SRRM4: variants seen among roughly 807,000 people sequenced by gnomAD.
The protein encoded by SRRM4 is serine/arginine repetitive matrix protein 4.
In SRRM4, 33 loss-of-function variants were observed where a neutral mutation model predicts 68.9. The observed-to-expected ratio is 0.48, with a 90% CI of 0.36 to 0.64. SRRM4 has a LOEUF of 0.64. Among genes scored for constraint, SRRM4 ranks in the 30% least tolerant of loss-of-function variants. The pLI is 0.00. For missense variants in SRRM4, 817 were observed against 827.1 expected (o/e 0.99, Z 0.15); for synonymous variants, 318 against 318.8 (o/e 1.00, Z 0.03).
chr12:119,013,116 C>G (rs547970211), intron 1 of SRRM4, among the ~76,000 whole-genome samples: 14 of 152,278 alleles, frequency 9.2e-5, no homozygotes, highest in Admixed American at 5.2e-4. Context: ...GTGACATGAT[C>G]TTCAAGAATA....
At chr12:118,993,679 G>A (rs1953331506) in intron 1 of SRRM4, among the ~76,000 whole-genome samples, 1 of 152,166 alleles carries the variant, frequency 6.6e-6, no homozygotes, top group Non-Finnish European at 1.5e-5. Context: ...AGTAGGGGTG[G>A]CCTCAAGATT....
intron 1 of SRRM4, among the ~76,000 whole-genome samples, chr12:119,081,817 C>G (rs1162310561): frequency 6.6e-6 from 1 of 152,202 alleles, no homozygotes; most frequent in Non-Finnish European, 1.5e-5. Flanking sequence ...TCTAGATTTG[C>G]TGATAGGTCA....
intron 1 of SRRM4, among the ~76,000 whole-genome samples, chr12:118,987,064 T>A (rs1953287184): frequency 6.6e-6 from 1 of 152,140 alleles, no homozygotes; most frequent in Admixed American, 6.6e-5. Flanking sequence ...GTGGAGGAAG[T>A]AGAATGATGA....
At chr12:119,124,521 C>T (rs561336921) in intron 6 of SRRM4, among the ~76,000 whole-genome samples, 4 of 152,318 alleles carry the variant, frequency 2.6e-5, no homozygotes, top group African/African-American at 9.6e-5. Flanking sequence ...CTGGCTTTCT[C>T]GTTTGGCCCA....
chr12:118,983,549 C>A (rs1158419136), intron 1 of SRRM4, among the ~76,000 whole-genome samples: 3 of 152,216 alleles, frequency 2.0e-5, no homozygotes, highest in Non-Finnish European at 4.4e-5. Context: ...AACGTACCTA[C>A]TGTTGGCTAA....
At chr12:119,113,812 C>T (rs1865727833) in intron 2 of SRRM4, among the ~76,000 whole-genome samples, 1 of 152,100 alleles carries the variant, frequency 6.6e-6, no homozygotes, top group African/African-American at 2.4e-5. Flanking sequence ...AGATACGTAT[C>T]TCGTTACATT....
At chr12:119,102,720 G>A (rs888092309) in intron 2 of SRRM4, among the ~76,000 whole-genome samples, 1 of 152,190 alleles carries the variant, frequency 6.6e-6, no homozygotes, top group Non-Finnish European at 1.5e-5. Context: ...TACCTTAAAT[G>A]ATAGCGTTCC....
At chr12:119,012,590 A>G (rs1444737345) in intron 1 of SRRM4, among the ~76,000 whole-genome samples, 2 of 150,248 alleles carry the variant, frequency 1.3e-5, no homozygotes, top group African/African-American at 4.9e-5. Context: ...CAACTAACAG[A>G]CTCCCCCAAG....
chr12:119,093,487 G>A (rs1278425296), intron 1 of SRRM4, among the ~76,000 whole-genome samples: 1 of 152,158 alleles, frequency 6.6e-6, no homozygotes, highest in Non-Finnish European at 1.5e-5. Context: ...AATAGTGGCT[G>A]TGATGGTCCC....
chr12:118,986,913 T>G (rs1953285996), intron 1 of SRRM4, among the ~76,000 whole-genome samples: 2 of 151,856 alleles, frequency 1.3e-5, no homozygotes, highest in Admixed American at 1.3e-4. Context: ...AAAAAATCTG[T>G]TTTTTTTATT....
At chr12:119,115,513 T>G (rs1299013902) in intron 3 of SRRM4, among the ~76,000 whole-genome samples, 1 of 152,134 alleles carries the variant, frequency 6.6e-6, no homozygotes. Context: ...ATCTGATGAC[T>G]TGGGCTTCAA....
rs1368934999 is a variant in SRRM4 at position 119,160,285 on chromosome 12, C to CTCTG, written c.*3491_*3494dup. On this transcript the variant is annotated 3_prime_UTR_variant, in exon 13 of 13. Transcript: ENST00000267260. ...TCTCTGTCTCTCTCTCTGTCTCTCT[C>CTCTG]TCTGTCTCTCTCTCTCTCTCTCTCT... 9 of 129,440 alleles carry CTCTG rather than the reference C, an allele frequency of 7.0e-5. No individual in the cohort carries two copies. In the East Asian group the frequency reaches 2.0e-3, roughly 29 times the overall value. 8.0% of individuals were successfully genotyped at this position (129,440 alleles called of 1,614,324 possible).
At chr12:119,107,394 G>A (rs1565909557) in intron 2 of SRRM4, among the ~76,000 whole-genome samples, 2 of 152,134 alleles carry the variant, frequency 1.3e-5, no homozygotes, top group African/African-American at 4.8e-5. Flanking sequence ...AGAAGAAGTG[G>A]TACCAACTCC....
intron 1 of SRRM4, among the ~76,000 whole-genome samples, chr12:119,030,842 T>C (rs747790860): frequency 5.9e-5 from 9 of 152,216 alleles, no homozygotes; most frequent in Non-Finnish European, 1.2e-4. Flanking sequence ...TGATTTCATA[T>C]GGTTCACCTG....
At chr12:118,991,100 T>A (rs1246238970) in intron 1 of SRRM4, among the ~76,000 whole-genome samples, 1 of 152,170 alleles carries the variant, frequency 6.6e-6, no homozygotes, top group Non-Finnish European at 1.5e-5. Flanking sequence ...CCACCATGCC[T>A]GGACCCATGT....
intron 1 of SRRM4, among the ~76,000 whole-genome samples, chr12:119,093,162 C>A (rs1449017267): frequency 6.6e-6 from 1 of 152,196 alleles, no homozygotes; most frequent in South Asian, 2.1e-4. Context: ...CACTTATTAC[C>A]TTCTAATATT....
chr12:119,017,540 G>A (rs1423327064), intron 1 of SRRM4, among the ~76,000 whole-genome samples: 3 of 152,328 alleles, frequency 2.0e-5, no homozygotes, highest in African/African-American at 4.8e-5. Context: ...GCAGGAGGCT[G>A]GGGAAGAGTG....
At chr12:119,079,075 C>T (rs1333273393) in intron 1 of SRRM4, among the ~76,000 whole-genome samples, 2 of 152,090 alleles carry the variant, frequency 1.3e-5, no homozygotes, top group African/African-American at 2.4e-5. Context: ...GGGGGTGGTC[C>T]AGGAGGATGT....
chr12:119,106,806 TCTCCTG>T (rs1444633977), intron 2 of SRRM4, among the ~76,000 whole-genome samples: 3 of 152,214 alleles, frequency 2.0e-5, no homozygotes, highest in African/African-American at 4.8e-5. Context: ...TTTATTTCTT[TCTCCTG>T]CCTGATTGCC....
Sources: allele counts gnomAD v4.1 joint callset (sites outside exome capture counted in the v4.1 genomes callset), GRCh38; gene constraint gnomAD v4.1.1; transcripts MANE v1.5; gene names NCBI Gene and HGNC (gene_info 2026-07-23, HGNC 2026-07-21).